MACROD2: variants seen among roughly 807,000 people sequenced by gnomAD.
MACROD2 encodes the protein mono-ADP ribosylhydrolase 2, also known as ADP-ribose glycohydrolase MACROD2.
MACROD2 carries 36 observed loss-of-function variants against 70.4 expected under a neutral mutation model. The ratio of observed to expected loss-of-function variants is 0.51; its 90% CI spans 0.39 to 0.68. The LOEUF (loss-of-function observed/expected upper bound fraction) is 0.68. Ranked by LOEUF, MACROD2 falls within the 30% of genes least tolerant of loss-of-function variation. MACROD2 has a pLI of 0.00. For missense variants in MACROD2, 496 were observed against 538.4 expected, an observed-to-expected ratio of 0.92 and a Z score of 0.78; for synonymous variants, 172 against 178.8, an observed-to-expected ratio of 0.96 and a Z score of 0.30.
chr20:14,281,679 G>A (rs2082307176), intron 3 of MACROD2, among the ~76,000 whole-genome samples: 1 of 152,040 alleles, frequency 6.6e-6, no homozygotes, highest in African/African-American at 2.4e-5. Flanking sequence ...GCTTATGCCT[G>A]TAATCCCAGC....
chr20:15,087,191 T>G (rs922983633), intron 5 of MACROD2, among the ~76,000 whole-genome samples: 2 of 152,080 alleles, frequency 1.3e-5, no homozygotes, highest in African/African-American at 4.8e-5. Flanking sequence ...CTATCGGGAC[T>G]CTATTCAATT....
intron 5 of MACROD2, among the ~76,000 whole-genome samples, chr20:15,180,204 C>A (rs1300272130): frequency 6.6e-6 from 1 of 152,164 alleles, no homozygotes; most frequent in Non-Finnish European, 1.5e-5. Context: ...CTTGGGGCTT[C>A]AACATGAATT....
rs150210305 is a variant in MACROD2 at position 15,191,931 on chromosome 20, T to TATAGAGAGAGAGAG, written c.419-38008_419-38007insTAGAGAGAGAGAGA. The stretch of plus-strand genomic sequence containing the variant: ...ACACATATGTGTATATATATATATA[T>TATAGAGAGAGAGAG]AGAGAGAGAGAGAGTTAATACATAT... On this transcript the variant is annotated intron_variant, in intron 5 of 17. Coordinates refer to ENST00000684519, the MANE Select transcript of MACROD2 (RefSeq NM_001351661.2). Among the ~76,000 whole-genome samples the TATAGAGAGAGAGAG allele has an allele frequency of 4.3e-3, 613 of 142,372 alleles. 13 individuals carry two copies. The highest frequency in any genetic ancestry group is 0.014 in the African/African-American group (554 of 38,240). 93.4% of individuals were successfully genotyped at this position (142,372 alleles called of 152,430 possible). A position where few individuals can be genotyped will look rare whatever the true frequency, so the allele number is the denominator to read the frequency against.
At chr20:14,467,513 G>A (rs756757522) in intron 3 of MACROD2, among the ~76,000 whole-genome samples, 1 of 151,970 alleles carries the variant, frequency 6.6e-6, no homozygotes, top group Admixed American at 6.6e-5. Flanking sequence ...CCCTGCTTTG[G>A]CTCACGCATG....
intron 5 of MACROD2, among the ~76,000 whole-genome samples, chr20:15,095,403 T>A (rs1054384710): frequency 6.6e-6 from 1 of 151,662 alleles, no homozygotes; most frequent in Non-Finnish European, 1.5e-5. Context: ...GCCAGTTTAA[T>A]GTTTCTTGAA....
At chr20:14,964,797 T>C (rs936348802) in intron 5 of MACROD2, among the ~76,000 whole-genome samples, 3 of 152,118 alleles carry the variant, frequency 2.0e-5, no homozygotes, top group African/African-American at 7.2e-5. Context: ...AAAATCACGC[T>C]CAACTAAAAA....
intron 3 of MACROD2, among the ~76,000 whole-genome samples, chr20:14,224,406 A>G (rs1342479127): frequency 6.6e-6 from 1 of 152,122 alleles, no homozygotes; most frequent in Middle Eastern, 3.2e-3. Context: ...TCTTGTCAAC[A>G]TTTTTATCTG....
intron 3 of MACROD2, among the ~76,000 whole-genome samples, chr20:14,367,917 T>C (rs1214626982): frequency 6.6e-6 from 1 of 152,216 alleles, no homozygotes; most frequent in East Asian, 1.9e-4. Flanking sequence ...GTGTGCTTGC[T>C]TGTGTTCCAC....
intron 7 of MACROD2, among the ~76,000 whole-genome samples, chr20:15,457,583 G>T (rs1344203256): frequency 6.6e-6 from 1 of 152,138 alleles, no homozygotes; most frequent in Non-Finnish European, 1.5e-5. Flanking sequence ...TACCGTCCAT[G>T]ATGACTGCAA....
intron 5 of MACROD2, among the ~76,000 whole-genome samples, chr20:14,984,285 G>A (rs2074828794): frequency 6.6e-6 from 1 of 152,182 alleles, no homozygotes; most frequent in South Asian, 2.1e-4. Flanking sequence ...GATGGCCCCT[G>A]GGATGTTCTT....
At chr20:14,106,623 G>A (rs1274052963) in intron 3 of MACROD2, among the ~76,000 whole-genome samples, 4 of 152,164 alleles carry the variant, frequency 2.6e-5, no homozygotes, top group Admixed American at 2.6e-4. Flanking sequence ...CCTTGGGCAG[G>A]ACCTGGTGTT....
At chr20:14,390,383 G>GA (rs1300464083) in intron 3 of MACROD2, among the ~76,000 whole-genome samples, 1 of 152,016 alleles carries the variant, frequency 6.6e-6, no homozygotes, top group African/African-American at 2.4e-5. Context: ...CACAGAACTA[G>GA]AAAAAAACTA....
At chr20:15,435,240 GA>G (rs1261282155) in intron 7 of MACROD2, among the ~76,000 whole-genome samples, 1 of 151,962 alleles carries the variant, frequency 6.6e-6, no homozygotes, top group African/African-American at 2.4e-5. Flanking sequence ...AAAAGCAGAA[GA>G]AAACACATTT....
intron 2 of MACROD2, among the ~76,000 whole-genome samples, chr20:14,033,163 G>T (rs6135043): frequency 7.0e-6 from 1 of 143,516 alleles, no homozygotes; most frequent in Non-Finnish European, 1.5e-5. Flanking sequence ...AGTTGTCTTA[G>T]TTTTTTTCCC....
At chr20:14,080,820 A>T (rs2053983906) in intron 2 of MACROD2, among the ~76,000 whole-genome samples, 1 of 151,996 alleles carries the variant, frequency 6.6e-6, no homozygotes, top group Admixed American at 6.6e-5. Context: ...ATTTTTCCCC[A>T]CCTTCCTCAC....
chr20:15,384,754 T>G (rs2045690214), intron 6 of MACROD2, among the ~76,000 whole-genome samples: 1 of 152,194 alleles, frequency 6.6e-6, no homozygotes, highest in Admixed American at 6.6e-5. Flanking sequence ...AATAAAATTA[T>G]TTTGGCTTGT....
In MACROD2 at chr20:14,046,748, T is replaced by TTTATTTAC. The variant is rs1555913291; in HGVS notation, c.164-38866_164-38865insCTTATTTA. Among the ~76,000 whole-genome samples the TTTATTTAC allele has an allele frequency of 1.7e-4, 25 of 151,008 alleles. 1 individual carries two copies. Among genetic ancestry groups the TTTATTTAC allele is most frequent in the African/African-American group, 5.1e-4 (21 of 40,992 alleles). On this transcript the variant is annotated intron_variant, in intron 2 of 17. Transcript: ENST00000684519. ...ATTTATTTATTTATTTATTTATTTA[T>TTTATTTAC]TTATTTATTAAGCTGTTTGTGATCC...
At chr20:15,966,425 T>C (rs970113182) in intron 12 of MACROD2, among the ~76,000 whole-genome samples, 1 of 152,168 alleles carries the variant, frequency 6.6e-6, no homozygotes, top group Non-Finnish European at 1.5e-5. Context: ...GGTGTTTTGT[T>C]TCCTGTTGGC....
At chr20:15,840,152 G>T (rs1280417975) in intron 8 of MACROD2, among the ~76,000 whole-genome samples, 1 of 152,186 alleles carries the variant, frequency 6.6e-6, no homozygotes, top group African/African-American at 2.4e-5. Context: ...CTGTGGCCAT[G>T]ACAGTGGCTC....
Sources: gnomAD v4.1 joint callset for allele counts (sites outside exome capture counted in the v4.1 genomes callset) on GRCh38, gnomAD v4.1.1 for gene constraint, MANE v1.5 for transcripts, NCBI Gene and HGNC (gene_info 2026-07-23, HGNC 2026-07-21) for gene names.